The following OR3A2 variants were observed in gnomAD, a reference collection of about 807,000 sequenced individuals.
OR3A2 encodes the protein olfactory receptor 3A2.
For synonymous variants in OR3A2, 126 were observed against 159.3 expected, an observed-to-expected ratio of 0.79 and a Z score of 1.57; for missense variants, 318 against 392.8, an observed-to-expected ratio of 0.81 and a Z score of 1.61.
chr17:3,333,693 A>G lies in OR3A2; in HGVS notation c.-85+2340T>C, dbSNP rs1290292991. Among the ~76,000 whole-genome samples, 12 of 152,320 alleles carry G rather than the reference A, an allele frequency of 7.9e-5. No homozygotes were observed. The South Asian group carries it at 2.3e-3, about 29-fold the overall frequency. ...GAAATATTGGGGGCATGTTCCCCCA[A>G]TAAAAGATTTTATGACAAAAATGCC... On this transcript the variant is annotated intron_variant, in intron 3 of 4. Coordinates refer to the OR3A2 transcript ENST00000573491.
intron 2 of OR3A2, among the ~76,000 whole-genome samples, chr17:3,377,861 G>T (rs1402020180): frequency 6.6e-6 from 1 of 152,212 alleles, no homozygotes; most frequent in East Asian, 1.9e-4. Flanking sequence ...AAACTAGTCT[G>T]ACCATTTTGG....
At chr17:3,379,100 T>C (rs1370407042) in intron 2 of OR3A2, among the ~76,000 whole-genome samples, 2 of 152,154 alleles carry the variant, frequency 1.3e-5, no homozygotes, top group Non-Finnish European at 2.9e-5. Context: ...GGACCCCATA[T>C]GCTGAGTAAA....
intron 2 of OR3A2, among the ~76,000 whole-genome samples, chr17:3,347,811 A>T (rs912651986): frequency 2.6e-5 from 4 of 152,210 alleles, no homozygotes; most frequent in Admixed American, 2.0e-4. Flanking sequence ...ATCCCTGAGG[A>T]ATCGTCACAC....
At chr17:3,285,848 T>C (rs574255656), upstream of OR3A2, among the ~76,000 whole-genome samples, 3 of 152,338 alleles carry the variant, frequency 2.0e-5, no homozygotes, top group African/African-American at 4.8e-5. Flanking sequence ...GTGTTTGTCA[T>C]GTACATGGTA....
At chr17:3,341,371 C>T (rs1385660871) in intron 2 of OR3A2, among the ~76,000 whole-genome samples, 2 of 152,212 alleles carry the variant, frequency 1.3e-5, no homozygotes, top group Non-Finnish European at 2.9e-5. Context: ...ATGGTCTTTA[C>T]AATTTGGCAT....
chr17:3,280,395 C>A (rs2048769888), intron 1 of OR3A2, among the ~76,000 whole-genome samples: 1 of 152,036 alleles, frequency 6.6e-6, no homozygotes, highest in Non-Finnish European at 1.5e-5. Flanking sequence ...CCTCAGCCTC[C>A]TGAATAGCTG....
chr17:3,369,939 G>T (rs1380722194), intron 2 of OR3A2, among the ~76,000 whole-genome samples: 1 of 151,900 alleles, frequency 6.6e-6, no homozygotes, highest in Admixed American at 6.6e-5. Context: ...GAGTAGCTGG[G>T]ACTACAGGCG....
intron 3 of OR3A2, among the ~76,000 whole-genome samples, chr17:3,306,074 G>A (rs1270147181): frequency 6.6e-6 from 1 of 152,216 alleles, no homozygotes; most frequent in African/African-American, 2.4e-5. Context: ...ACTCAAGAAG[G>A]TGGTTCAGCA....
At chr17:3,291,666 C>T in intron 3 of OR3A2, 2 of 1,604,856 alleles carry the variant, frequency 1.2e-6, no homozygotes, top group African/African-American at 1.3e-5. Flanking sequence ...TGTGAGCATC[C>T]TCCAGATGGC....
chr17:3,344,770 C>T (rs1040851727), intron 2 of OR3A2, among the ~76,000 whole-genome samples: 1 of 152,160 alleles, frequency 6.6e-6, no homozygotes, highest in Non-Finnish European at 1.5e-5. Context: ...ATACCAAATC[C>T]TCCAGTTATA....
In OR3A2 at chr17:3,326,990, T is replaced by C. The variant is rs1307002656; in HGVS notation, c.-85+9043A>G. On this transcript the variant is annotated intron_variant, in intron 3 of 4. Coordinates refer to the OR3A2 transcript ENST00000573491. ...TGGGTTGGTTCCAAGTCTTTGCTAT[T>C]GTGAATAATGCCGCAATAAACATAC... 1.2e-4 allele frequency among the ~76,000 whole-genome samples: 10 copies of C among 84,982 alleles called. 1 individual carries two copies. The highest frequency in any genetic ancestry group is 6.8e-4 in the East Asian group (2 of 2,958). 55.8% of individuals were successfully genotyped at this position (84,982 alleles called of 152,430 possible). A position where few individuals can be genotyped will look rare whatever the true frequency, so the allele number is the denominator to read the frequency against.
chr17:3,386,263 A>G, exon 1 of OR3A2: 1 of 398,286 alleles, frequency 2.5e-6, no homozygotes, highest in Non-Finnish European at 4.4e-6. Flanking sequence ...CATCACCGAG[A>G]GCTACCTCCT....
intron 2 of OR3A2, among the ~76,000 whole-genome samples, chr17:3,342,468 T>C (rs146394163): frequency 1.3e-5 from 2 of 152,310 alleles, no homozygotes; most frequent in East Asian, 1.9e-4. Flanking sequence ...ATGTCCTTTT[T>C]GTTGATGTTG....
At chr17:3,365,010 G>A (rs2049551000) in intron 2 of OR3A2, among the ~76,000 whole-genome samples, 1 of 151,774 alleles carries the variant, frequency 6.6e-6, no homozygotes, top group Non-Finnish European at 1.5e-5. Flanking sequence ...TAAGTTAGCA[G>A]CAACAATGAG....
intron 3 of OR3A2, among the ~76,000 whole-genome samples, chr17:3,321,468 G>C (rs2049121609): frequency 6.6e-6 from 1 of 151,510 alleles, no homozygotes; most frequent in African/African-American, 2.4e-5. Context: ...AGTTTTCAAA[G>C]GGAATGCTTC....
intron 3 of OR3A2, among the ~76,000 whole-genome samples, chr17:3,325,754 G>T (rs2049166134): frequency 6.6e-6 from 1 of 152,026 alleles, no homozygotes; most frequent in Non-Finnish European, 1.5e-5. Flanking sequence ...AGATATACAT[G>T]TAAAATTTAC....
chr17:3,366,127 G>A (rs370799197), intron 2 of OR3A2, among the ~76,000 whole-genome samples: 5 of 152,338 alleles, frequency 3.3e-5, no homozygotes, highest in African/African-American at 2.4e-5. Context: ...AAGTTAACAT[G>A]TGCAAAGGGA....
At chr17:3,319,737 G>A (rs896796455) in intron 3 of OR3A2, among the ~76,000 whole-genome samples, 1 of 152,132 alleles carries the variant, frequency 6.6e-6, no homozygotes, top group Non-Finnish European at 1.5e-5. Context: ...AGTATTTCAT[G>A]GTGTATATGT....
chr17:3,337,063 C>A (rs1482030295), intron 2 of OR3A2, among the ~76,000 whole-genome samples: 1 of 152,180 alleles, frequency 6.6e-6, no homozygotes, highest in East Asian at 1.9e-4. Flanking sequence ...CTTCCAAACC[C>A]AAAATGGACA....
Sources: gnomAD v4.1 joint callset for allele counts (sites outside exome capture counted in the v4.1 genomes callset) on GRCh38, gnomAD v4.1.1 for gene constraint, MANE v1.5 for transcripts, NCBI Gene and HGNC (gene_info 2026-07-23, HGNC 2026-07-21) for gene names.